The following ZNF510 variants were observed in gnomAD, a reference collection of about 807,000 sequenced individuals.
The protein encoded by ZNF510 is zinc finger protein 510.
ZNF510 carries 15 observed loss-of-function variants against 18.1 expected under a neutral mutation model. The ratio of observed to expected loss-of-function variants is 0.83; its 90% CI spans 0.55 to 1.28. ZNF510 has a LOEUF of 1.28. Among genes scored for constraint, ZNF510 ranks in the 50% most tolerant of loss-of-function variants. The probability of loss-of-function intolerance (pLI) is 0.00; values close to 1 mark genes in which losing one functional copy is unlikely to be tolerated. For synonymous variants in ZNF510, 261 were observed against 266.4 expected (o/e 0.98, Z 0.20); for missense variants, 724 against 791.8 (o/e 0.91, Z 1.03).
chr9:96,770,564 T>C (rs1387758328), intron 3 of ZNF510, among the ~76,000 whole-genome samples: 2 of 151,758 alleles, frequency 1.3e-5, no homozygotes, highest in African/African-American at 4.8e-5. Context: ...GATCGTGCCA[T>C]TGCAATCCAG....
At chr9:96,770,126 G>T (rs1361788291) in intron 3 of ZNF510, among the ~76,000 whole-genome samples, 2 of 152,156 alleles carry the variant, frequency 1.3e-5, no homozygotes, top group African/African-American at 4.8e-5. Flanking sequence ...GTTAATAGCA[G>T]CACTAGTCAT....
In ZNF510 at chr9:96,765,859, T is replaced by G. The variant is rs567123427; in HGVS notation, c.130-2227A>C. 2.0e-5 allele frequency among the ~76,000 whole-genome samples: 3 copies of G among 152,258 alleles called. No homozygotes were observed. The South Asian group carries it at 6.2e-4, about 32-fold the overall frequency. On this transcript the variant is annotated intron_variant, in intron 3 of 5. Transcript: ENST00000223428. ...CTATATGTATAACAGTTATGTGCTG[T>G]CTAGTGTGCCTATGTGCAAGAAGCC...
chr9:96,761,231 T>TC (rs1364060889), intron 5 of ZNF510, among the ~76,000 whole-genome samples: 1 of 152,194 alleles, frequency 6.6e-6, no homozygotes, highest in East Asian at 1.9e-4. Flanking sequence ...GTGAACCTGA[T>TC]CATCCCATCC....
In ZNF510 at chr9:96,754,772, CTG is replaced by C. The variant is rs1351153624; in HGVS notation, c.*4004_*4005del. ...AAATGCTCAGATTTCAGTTTGATAACTGTACCTTCAGCAAGTATTTCTGAGTG... is the reference window on the plus strand; with the variant it reads ...AAATGCTCAGATTTCAGTTTGATAACTACCTTCAGCAAGTATTTCTGAGTG... On this transcript the variant is annotated 3_prime_UTR_variant, in exon 6 of 6. Coordinates refer to ENST00000223428, the MANE Select transcript of ZNF510 (RefSeq NM_014930.3). Among the ~76,000 whole-genome samples, 7 of 152,184 alleles carry C rather than the reference CTG, an allele frequency of 4.6e-5. No individual in the cohort carries two copies. The highest frequency in any genetic ancestry group is 1.0e-4 in the Non-Finnish European group (7 of 68,024).
At chr9:96,775,854 TG>T in intron 2 of ZNF510, 145 bp downstream of exon 2, 1 of 962,134 alleles carries the variant, frequency 1.0e-6, no homozygotes, top group Non-Finnish European at 1.5e-6. Flanking sequence ...ATGAAGAAAA[TG>T]GGGGCTCTAT....
In ZNF510 at chr9:96,758,856, G is replaced by T; in HGVS notation, c.1974C>A (p.Cys658Ter). The change falls in exon 6 of 6, where the codon TGC becomes TGA. Residue 658 changes from cysteine (C) to a stop codon, truncating the protein, a stop_gained. Transcript: ENST00000223428. LOFTEE classifies it low-confidence loss of function (END_TRUNC). ...RTHSGEKSYE[C>*]NEYGKLCKKS... ...TCTTACATAATTTCCCATATTCATTGCATTCATAAGATTTCTCCCCACTGT... is the reference window on the plus strand; with the variant it reads ...TCTTACATAATTTCCCATATTCATTTCATTCATAAGATTTCTCCCCACTGT... 1 of 1,613,858 alleles carries T rather than the reference G, an allele frequency of 6.2e-7. No individual in the cohort carries two copies. Among genetic ancestry groups the T allele is most frequent in the Non-Finnish European group, 8.5e-7 (1 of 1,179,878 alleles).
chr9:96,759,281 G>A lies in ZNF510; in HGVS notation c.1549C>T (p.Gln517Ter). 3 of 1,613,874 alleles carry A rather than the reference G, an allele frequency of 1.9e-6. No homozygotes were observed. The highest frequency in any genetic ancestry group is 2.5e-6 in the Non-Finnish European group (3 of 1,179,970). ...AATGTTTTTCCACATTGATTGCATT[G>A]AAAGGATTTCTCCCCTGTGTGAATT... is the stretch of plus-strand genomic sequence containing the variant. ...HRIHTGEKSF[Q>*]CNQCGKTFGQ... The change falls in exon 6 of 6, where the codon CAA (glutamine) becomes TAA (stop). Residue 517 changes from glutamine to a stop codon, truncating the protein, a stop_gained. Coordinates refer to ENST00000223428, the MANE Select transcript of ZNF510 (RefSeq NM_014930.3). LOFTEE classifies it low-confidence loss of function (END_TRUNC).
At chr9:96,762,832 C>T (rs763485773) in intron 5 of ZNF510, 14 of 211,226 alleles carry the variant, frequency 6.6e-5, no homozygotes, top group East Asian at 1.1e-4. Flanking sequence ...CACAATGACT[C>T]GCAGAAGTTC....
At chr9:96,774,668 C>G in intron 3 of ZNF510, 120 bp downstream of exon 3, 1 of 898,852 alleles carries the variant, frequency 1.1e-6, no homozygotes, top group Non-Finnish European at 1.7e-6. Context: ...TGTGCTACTG[C>G]CCTGCTTTTC....
At chr9:96,772,623 C>T (rs1849605609) in intron 3 of ZNF510, among the ~76,000 whole-genome samples, 1 of 152,038 alleles carries the variant, frequency 6.6e-6, no homozygotes, top group South Asian at 2.1e-4. Flanking sequence ...AAAACACAAA[C>T]AATGGTGCCC....
At chr9:96,776,500 C>T (rs897556543) in intron 1 of ZNF510, among the ~76,000 whole-genome samples, 1 of 152,118 alleles carries the variant, frequency 6.6e-6, no homozygotes. Context: ...CCAGGCCGGG[C>T]GTGGTGGCTC....
intron 3 of ZNF510, among the ~76,000 whole-genome samples, chr9:96,771,814 C>T (rs1241911396): frequency 6.6e-6 from 1 of 151,906 alleles, no homozygotes; most frequent in Non-Finnish European, 1.5e-5. Context: ...AATAAACTAA[C>T]AATAAACTGG....
intron 3 of ZNF510, among the ~76,000 whole-genome samples, chr9:96,768,621 GAATA>G (rs1849524809): frequency 6.6e-6 from 1 of 151,858 alleles, no homozygotes; most frequent in Non-Finnish European, 1.5e-5. Context: ...AATAAAATAG[GAATA>G]AATTTAACCA....
rs552911025 is a variant in ZNF510, at chr9:96,759,228, A to G, written c.1602T>C (p.His534=). 6.2e-7 allele frequency: 1 copy of G among 1,613,654 alleles called. No individual in the cohort carries two copies. Among genetic ancestry groups the G allele is most frequent in the South Asian group, 1.1e-5 (1 of 91,058 alleles). ...TFGQKSNLRI[H]QRTHTGEKTY... is the part of the protein sequence containing the mutation. ...TTTTCTCCCCAGTGTGAGTTCTCTG[A>G]TGTATTCTGAGGTTTGACTTCTGGC... The change falls in exon 6 of 6, where the codon CAT becomes CAC. Residue 534 remains histidine (H), a synonymous_variant. Coordinates refer to ENST00000223428, the MANE Select transcript of ZNF510 (RefSeq NM_014930.3).
At position 96,774,915 on chromosome 9, in the gene ZNF510, C is replaced by T. The variant is rs1330527543; in HGVS notation, c.71-69G>A. Reference sequence around the variant, plus strand: ...TCTTACCTGCCTACCAATGTCATCACACCAGCTGGGGAAAAAGGCCTCTCT... The same window carrying T: ...TCTTACCTGCCTACCAATGTCATCATACCAGCTGGGGAAAAAGGCCTCTCT... On this transcript the variant is annotated intron_variant, in intron 2 of 5. Coordinates refer to ENST00000223428, the MANE Select transcript of ZNF510 (RefSeq NM_014930.3). 4.3e-6 allele frequency: 6 copies of T among 1,391,802 alleles called. No homozygotes were observed. In the African/African-American group the frequency reaches 4.3e-5, roughly 10 times the overall value. The allele number at this position is 1,391,802 out of a possible 1,614,324, so 86.2% of individuals were successfully genotyped here. A position where few individuals can be genotyped will look rare whatever the true frequency, so the allele number is the denominator to read the frequency against.
At chr9:96,773,349 CAA>C (rs1849623218) in intron 3 of ZNF510, among the ~76,000 whole-genome samples, 1 of 151,974 alleles carries the variant, frequency 6.6e-6, no homozygotes, top group Non-Finnish European at 1.5e-5. Flanking sequence ...ACAAGAGAAA[CAA>C]AAATTTAGCA....
chr9:96,763,055 C>A (rs773421573), intron 5 of ZNF510, 63 bp downstream of exon 5: 1 of 1,420,890 alleles, frequency 7.0e-7, no homozygotes, highest in Non-Finnish European at 1.0e-6. Context: ...GTGTTCACCC[C>A]TAAAGTGACC....
At chr9:96,775,313 G>A (rs1417525291) in intron 2 of ZNF510, among the ~76,000 whole-genome samples, 1 of 152,096 alleles carries the variant, frequency 6.6e-6, no homozygotes, top group African/African-American at 2.4e-5. Flanking sequence ...GCCCGCCTTG[G>A]CCTCCCAAAA....
chr9:96,760,182 A>G lies in ZNF510; in HGVS notation c.648T>C (p.Phe216=). ...VCENSPFKIN[F]EKTQTGEKFY... ...ATTTCTCTCCAGTCTGAGTTTTCTCAAAGTTAATTTTGAAAGGTGAATTCT... is the reference window on the plus strand; with the variant it reads ...ATTTCTCTCCAGTCTGAGTTTTCTCGAAGTTAATTTTGAAAGGTGAATTCT... Residue 216 remains phenylalanine, a synonymous_variant, in exon 6 of 6, where the codon TTT becomes TTC. Coordinates refer to ENST00000223428, the MANE Select transcript of ZNF510 (RefSeq NM_014930.3). 1 of 1,613,176 alleles carries G rather than the reference A, an allele frequency of 6.2e-7. No homozygotes were observed. The highest frequency in any genetic ancestry group is 8.5e-7 in the Non-Finnish European group (1 of 1,179,696).
Sources: allele counts gnomAD v4.1 joint callset (sites outside exome capture counted in the v4.1 genomes callset), GRCh38; gene constraint gnomAD v4.1.1; transcripts MANE v1.5; gene names NCBI Gene and HGNC (gene_info 2026-07-23, HGNC 2026-07-21).